PANK1: variants seen among roughly 807,000 people sequenced by gnomAD.
The protein encoded by PANK1 is pantothenic acid kinase 1.
In PANK1, 18 loss-of-function variants were observed where a neutral mutation model predicts 40.1. That is an observed-to-expected ratio of 0.45 (90% CI 0.31 to 0.67). The LOEUF (loss-of-function observed/expected upper bound fraction) is 0.67. Ranked by LOEUF, PANK1 falls within the 30% of genes least tolerant of loss-of-function variation. The pLI, the probability that PANK1 is intolerant of heterozygous loss-of-function variation, is 0.06. For missense variants in PANK1, 457 were observed against 599.6 expected, an observed-to-expected ratio of 0.76 and a Z score of 2.48; for synonymous variants, 242 against 237.7, an observed-to-expected ratio of 1.02 and a Z score of -0.17.
intron 1 of PANK1, chr10:89,643,912 A>T: frequency 2.2e-6 from 3 of 1,364,036 alleles, no homozygotes; most frequent in Non-Finnish European, 2.9e-6. Flanking sequence ...GTACATTACA[A>T]TTACAAACCC....
rs780479753 is a variant in PANK1, at chr10:89,612,017, T to A, written c.324A>T (p.Gly108=). The A allele has an allele frequency of 6.2e-7, 1 of 1,613,740 alleles. No individual in the cohort carries two copies. The highest frequency in any genetic ancestry group is 1.7e-5 in the Admixed American group (1 of 60,012). ...CGAAATACACCAATTTAACCAGCGT[T>A]CCACCGATGTCCATGCCAAACCATG... is the stretch of plus-strand genomic sequence containing the variant. ...PFPWFGMDIG[G]TLVKLVYFEP... Residue 108 remains glycine (G), a synonymous_variant, in exon 2 of 7, where the codon GGA becomes GGT. Coordinates refer to ENST00000307534, the MANE Select transcript of PANK1 (RefSeq NM_148977.3).
At chr10:89,615,883 A>C (rs1845300946) in intron 1 of PANK1, among the ~76,000 whole-genome samples, 1 of 152,166 alleles carries the variant, frequency 6.6e-6, no homozygotes. Flanking sequence ...GAGACAGAAG[A>C]GAAGGGGAAG....
At chr10:89,636,160 G>T (rs1841800401) in intron 1 of PANK1, among the ~76,000 whole-genome samples, 1 of 152,254 alleles carries the variant, frequency 6.6e-6, no homozygotes, top group African/African-American at 2.4e-5. Context: ...TGCTCTAGGA[G>T]ACTCTCTGCG....
In PANK1 at chr10:89,593,839, G is replaced by C. The variant is rs775963859; in HGVS notation, c.1050C>G (p.Gly350=). 6.2e-7 allele frequency: 1 copy of C among 1,613,678 alleles called. No individual in the cohort carries two copies. Among genetic ancestry groups the C allele is most frequent in the Non-Finnish European group, 8.5e-7 (1 of 1,179,678 alleles). The change falls in exon 4 of 7, where the codon GGC becomes GGG. Residue 350 remains glycine, a synonymous_variant. Coordinates refer to ENST00000307534, the MANE Select transcript of PANK1 (RefSeq NM_148977.3). ...DIYGGDYERF[G]LQGSAVASSF... Reference sequence around the variant, plus strand: ...TTGATGCTACAGCAGATCCTTGAAGGCCAAATCGTTCATAGTCTCCTCCGT... The same window carrying C: ...TTGATGCTACAGCAGATCCTTGAAGCCCAAATCGTTCATAGTCTCCTCCGT...
intron 6 of PANK1, among the ~76,000 whole-genome samples, chr10:89,587,261 G>C (rs967923248): frequency 2.6e-5 from 4 of 152,178 alleles, no homozygotes; most frequent in African/African-American, 9.6e-5. Flanking sequence ...AAGCACTTCT[G>C]TTCTTACCAG....
At chr10:89,632,074 A>T (rs1403438654) in intron 1 of PANK1, among the ~76,000 whole-genome samples, 1 of 152,118 alleles carries the variant, frequency 6.6e-6, no homozygotes, top group Non-Finnish European at 1.5e-5. Context: ...ATATTATAAA[A>T]TTGGACATGA....
chr10:89,642,114 T>C (rs975708606), intron 1 of PANK1, among the ~76,000 whole-genome samples: 6 of 152,190 alleles, frequency 3.9e-5, no homozygotes, highest in Non-Finnish European at 7.3e-5. Context: ...GTGGACAACA[T>C]TCTCCTTTCC....
At chr10:89,610,353 G>A (rs1414176793) in intron 2 of PANK1, among the ~76,000 whole-genome samples, 2 of 152,036 alleles carry the variant, frequency 1.3e-5, no homozygotes, top group Non-Finnish European at 2.9e-5. Flanking sequence ...AAACATCTCA[G>A]TTTTAAAACT....
chr10:89,596,307 G>A (rs1844604186), intron 3 of PANK1, among the ~76,000 whole-genome samples: 3 of 152,212 alleles, frequency 2.0e-5, no homozygotes, highest in Admixed American at 6.5e-5. Context: ...TGTATCAATC[G>A]AGGCATTCAA....
chr10:89,593,393 T>G, intron 4 of PANK1, 73 bp from the exon 5 acceptor site: 1 of 1,527,976 alleles, frequency 6.5e-7, no homozygotes, highest in South Asian at 1.2e-5. Context: ...CAAAGTATTG[T>G]GGAAGGCTCT....
intron 1 of PANK1, chr10:89,613,841 T>G: frequency 2.6e-6 from 1 of 384,934 alleles, no homozygotes; most frequent in Non-Finnish European, 5.1e-6. Context: ...AGGAGCAGCA[T>G]GTTGTAATAG....
Position 89,584,266 on chromosome 10 carries a change from G to A in PANK1, c.*140C>T. On this transcript the variant is annotated 3_prime_UTR_variant, in exon 7 of 7. Transcript: ENST00000307534. ...CTAAGAGTAAAAGATCATCTGGAAG[G>A]ATTTTAAATTATTTACAAATCCAGC... The A allele has an allele frequency of 1.6e-6, 1 of 634,018 alleles. No individual in the cohort carries two copies. Among genetic ancestry groups the A allele is most frequent in the Admixed American group, 2.4e-5 (1 of 42,062 alleles). 39.3% of individuals were successfully genotyped at this position (634,018 alleles called of 1,614,324 possible).
At position 89,644,956 on chromosome 10, in the gene PANK1, G is replaced by C. The variant is rs781620022; in HGVS notation, c.-65C>G. 9 of 1,572,074 alleles carry C rather than the reference G, an allele frequency of 5.7e-6. No individual in the cohort carries two copies. The South Asian group carries it at 9.2e-5, about 16-fold the overall frequency. On this transcript the variant is annotated 5_prime_UTR_variant, in exon 1 of 7. Coordinates refer to ENST00000307534, the MANE Select transcript of PANK1 (RefSeq NM_148977.3). ...GCGGCCTCGCTGGAGGTCATTCTCCGGCGTCTTTATTTCCCCGGATCCTCC... is the reference window on the plus strand; with the variant it reads ...GCGGCCTCGCTGGAGGTCATTCTCCCGCGTCTTTATTTCCCCGGATCCTCC...
At chr10:89,613,014 A>C (rs980736920) in intron 1 of PANK1, among the ~76,000 whole-genome samples, 1 of 152,206 alleles carries the variant, frequency 6.6e-6, no homozygotes, top group South Asian at 2.1e-4. Flanking sequence ...CTTATCTATG[A>C]CAAAATGAAT....
intron 1 of PANK1, among the ~76,000 whole-genome samples, chr10:89,627,629 T>G (rs986970285): frequency 2.0e-5 from 3 of 152,204 alleles, no homozygotes; most frequent in African/African-American, 7.2e-5. Context: ...ACACAAAAAC[T>G]GGTCAGTAAT....
intron 1 of PANK1, among the ~76,000 whole-genome samples, chr10:89,635,356 T>C (rs72818735): frequency 0.045 from 6,922 of 152,216 alleles, 220 homozygotes; most frequent in Non-Finnish European, 0.067. Context: ...CATCCCATGA[T>C]AGAAGCATAA....
At chr10:89,640,486 G>A (rs778856536) in intron 1 of PANK1, among the ~76,000 whole-genome samples, 13 of 152,008 alleles carry the variant, frequency 8.6e-5, no homozygotes, top group Non-Finnish European at 1.8e-4. Context: ...GAGATACCAA[G>A]CTTGACAGCT....
intron 1 of PANK1, among the ~76,000 whole-genome samples, chr10:89,618,239 C>T (rs1307875854): frequency 1.3e-5 from 2 of 152,148 alleles, no homozygotes; most frequent in African/African-American, 2.4e-5. Flanking sequence ...CTGGGTATCT[C>T]CCATTCACCC....
chr10:89,593,891 T>C lies in PANK1; in HGVS notation c.998A>G (p.Asn333Ser). 1 of 1,613,662 alleles carries C rather than the reference T, an allele frequency of 6.2e-7. No homozygotes were observed. Among genetic ancestry groups the C allele is most frequent in the Non-Finnish European group, 8.5e-7 (1 of 1,179,546 alleles). ...AATGTCCTTCACCAGTTTATCAACA[T>C]TGGTGCTGTCGCCTTTAGCTGCCAT... is the stretch of plus-strand genomic sequence containing the variant. Reference protein sequence around the residue: ...LEMAAKGDSTNVDKLVKDIYG... With the variant: ...LEMAAKGDSTSVDKLVKDIYG... The change falls in exon 4 of 7, where the codon AAT becomes AGT. Residue 333 changes from asparagine to serine, a missense_variant. Asn to Ser is a conservative substitution (Grantham distance 46). Around this residue, in one of 4 missense-constraint regions of PANK1, gnomAD observed 286 missense variants for 415.8 expected, o/e 0.69. Transcript: ENST00000307534.
Sources: gnomAD v4.1 joint callset for allele counts (sites outside exome capture counted in the v4.1 genomes callset) on GRCh38, gnomAD v4.1.1 for gene constraint, gnomAD v4.1.1 regional missense constraint, MANE v1.5 for transcripts, NCBI Gene and HGNC (gene_info 2026-07-23, HGNC 2026-07-21) for gene names.